CMTM7: variants seen among roughly 807,000 people sequenced by gnomAD.
CMTM7 encodes CKLF-like MARVEL transmembrane domain-containing protein 7.
CMTM7 carries 7 observed loss-of-function variants against 19.3 expected under a neutral mutation model. The ratio of observed to expected loss-of-function variants is 0.36; its 90% confidence interval spans 0.21 to 0.68. The LOEUF is 0.68. Ranked by LOEUF, CMTM7 falls within the 30% of genes least tolerant of loss-of-function variation. CMTM7 has a pLI of 0.60. For missense variants in CMTM7, 193 were observed against 232.6 expected, an observed-to-expected ratio of 0.83 and a Z score of 1.11; for synonymous variants, 87 against 99.3, an observed-to-expected ratio of 0.88 and a Z score of 0.74.
At chr3:32,396,880 C>A (rs1695926441) in intron 1 of CMTM7, among the ~76,000 whole-genome samples, 1 of 152,244 alleles carries the variant, frequency 6.6e-6, no homozygotes, top group African/African-American at 2.4e-5. Context: ...ATTAAGGAGA[C>A]CCCAGGATGG....
intron 1 of CMTM7, among the ~76,000 whole-genome samples, chr3:32,422,497 G>T (rs1696359718): frequency 6.6e-6 from 1 of 152,252 alleles, no homozygotes; most frequent in Non-Finnish European, 1.5e-5. Context: ...TGGCAAAATG[G>T]CAACCAGTGC....
At chr3:32,408,997 C>T (rs1226661806) in intron 1 of CMTM7, among the ~76,000 whole-genome samples, 1 of 151,996 alleles carries the variant, frequency 6.6e-6, no homozygotes, top group East Asian at 1.9e-4. Flanking sequence ...GTTCTCTTGC[C>T]TCACCTCCTG....
intron 1 of CMTM7, among the ~76,000 whole-genome samples, chr3:32,438,249 G>A (rs778872857): frequency 3.9e-5 from 6 of 152,154 alleles, no homozygotes; most frequent in Non-Finnish European, 8.8e-5. Context: ...CCCCACTATT[G>A]TCTTGTTCTT....
intron 1 of CMTM7, among the ~76,000 whole-genome samples, chr3:32,423,995 A>G (rs532659873): frequency 6.6e-6 from 1 of 152,364 alleles, no homozygotes; most frequent in African/African-American, 2.4e-5. Context: ...TGCTTGTTCC[A>G]TAACGGATTA....
chr3:32,451,831 A>G, intron 3 of CMTM7: 1 of 336,290 alleles, frequency 3.0e-6, no homozygotes. Flanking sequence ...GACCCTGAGA[A>G]AGGGAAAGGG....
chr3:32,453,060 C>G (rs1022215596), intron 4 of CMTM7, among the ~76,000 whole-genome samples: 1 of 150,986 alleles, frequency 6.6e-6, no homozygotes, highest in Non-Finnish European at 1.5e-5. Flanking sequence ...CATGAACCAC[C>G]GCACCCAGCC....
At chr3:32,422,709 G>C (rs1253720044) in intron 1 of CMTM7, among the ~76,000 whole-genome samples, 1 of 152,192 alleles carries the variant, frequency 6.6e-6, no homozygotes, top group Non-Finnish European at 1.5e-5. Flanking sequence ...CTTATGGTGA[G>C]GTTACTCCTG....
At chr3:32,399,889 A>C (rs538330355) in intron 1 of CMTM7, among the ~76,000 whole-genome samples, 12 of 152,350 alleles carry the variant, frequency 7.9e-5, no homozygotes, top group African/African-American at 2.9e-4. Context: ...TATTCCTAAC[A>C]AAAGTAATAC....
chr3:32,440,070 T>TACAC lies in CMTM7; in HGVS notation c.160-1737_160-1734dup, dbSNP rs10526471. On this transcript the variant is annotated intron_variant, in intron 1 of 4. Transcript: ENST00000334983. ...CACCCATACACTAACACCACACGCA[T>TACAC]ACACACACACACACACACACACACA... 7.3e-3 allele frequency among the ~76,000 whole-genome samples: 1,095 copies of TACAC among 150,132 alleles called. 9 individuals carry two copies. The highest frequency in any genetic ancestry group is 0.025 in the African/African-American group (1,034 of 40,776).
chr3:32,431,726 C>T (rs1212694116), intron 1 of CMTM7, among the ~76,000 whole-genome samples: 2 of 152,156 alleles, frequency 1.3e-5, no homozygotes, highest in African/African-American at 2.4e-5. Context: ...AGGCCTGGCT[C>T]CTTAACCTGG....
chr3:32,424,000 G>A (rs544797487), intron 1 of CMTM7, among the ~76,000 whole-genome samples: 4 of 152,252 alleles, frequency 2.6e-5, no homozygotes, highest in South Asian at 2.1e-4. Context: ...GTTCCATAAC[G>A]GATTACTCAA....
chr3:32,451,070 G>A (rs1696822848), intron 3 of CMTM7: 1 of 152,184 alleles, frequency 6.6e-6, no homozygotes, highest in African/African-American at 2.4e-5. Context: ...GACCGGGATG[G>A]TATATAACGT....
intron 1 of CMTM7, among the ~76,000 whole-genome samples, chr3:32,416,455 A>G (rs1696267641): frequency 1.9e-5 from 2 of 103,134 alleles, no homozygotes; most frequent in African/African-American, 7.5e-5. Context: ...CAGTGGCGCA[A>G]TCTCGGCTCA....
chr3:32,454,448 C>T lies in CMTM7; in HGVS notation c.*194C>T, dbSNP rs1213560890. 2.8e-6 allele frequency: 2 copies of T among 724,982 alleles called. No homozygotes were observed. The highest frequency in any genetic ancestry group is 5.0e-6 in the Non-Finnish European group (2 of 401,914). 44.9% of individuals were successfully genotyped at this position (724,982 alleles called of 1,614,324 possible). A position where few individuals can be genotyped will look rare whatever the true frequency, so the allele number is the denominator to read the frequency against. ...CCTGAGCCAGCCGGAAACTCTTCCT[C>T]CAGCCTTCCGGGGAGAACATCCCTC... On this transcript the variant is annotated 3_prime_UTR_variant, in exon 5 of 5. Transcript: ENST00000334983.
At chr3:32,410,288 C>T (rs1696152515) in intron 1 of CMTM7, among the ~76,000 whole-genome samples, 1 of 152,232 alleles carries the variant, frequency 6.6e-6, no homozygotes, top group Non-Finnish European at 1.5e-5. Context: ...GGGGCAGCCA[C>T]CTTTCTGTTC....
chr3:32,403,292 G>A (rs77135945), intron 1 of CMTM7, among the ~76,000 whole-genome samples: 9,148 of 152,244 alleles, frequency 0.06, 326 homozygotes, highest in East Asian at 0.15. Context: ...TCTGCTCACT[G>A]CAGTCTTGAC....
chr3:32,419,849 C>T (rs753777739), intron 1 of CMTM7, among the ~76,000 whole-genome samples: 6 of 152,112 alleles, frequency 3.9e-5, no homozygotes, highest in Admixed American at 6.6e-5. Context: ...ACCCACTTTG[C>T]GTCCTTCCTT....
intron 1 of CMTM7, among the ~76,000 whole-genome samples, chr3:32,416,901 T>C (rs1696275456): frequency 6.6e-6 from 1 of 152,232 alleles, no homozygotes; most frequent in Admixed American, 6.5e-5. Flanking sequence ...GACCTCTGAA[T>C]TTCATCTCTT....
Position 32,449,693 on chromosome 3 carries a change from C to T in CMTM7, c.432+141C>T. 2 of 710,824 alleles carry T rather than the reference C, an allele frequency of 2.8e-6. No individual in the cohort carries two copies. The highest frequency in any genetic ancestry group is 5.0e-6 in the Non-Finnish European group (2 of 398,430). 44.0% of individuals were successfully genotyped at this position (710,824 alleles called of 1,614,324 possible). A position where few individuals can be genotyped will look rare whatever the true frequency, so the allele number is the denominator to read the frequency against. On this transcript the variant is annotated intron_variant, in intron 3 of 4. Transcript: ENST00000334983. The surrounding 1 kb of genome is among the most constrained non-coding windows in gnomAD (Gnocchi z 4.5). ...ACCTACCTTGATCCAGCCATCAGCTCTCTCCAAAGAGCCTTAAGCAGAGGC... is the reference window on the plus strand; with the variant it reads ...ACCTACCTTGATCCAGCCATCAGCTTTCTCCAAAGAGCCTTAAGCAGAGGC...
Sources: allele counts gnomAD v4.1 joint callset (sites outside exome capture counted in the v4.1 genomes callset), GRCh38; gene constraint gnomAD v4.1.1; non-coding constraint Gnocchi (gnomAD v3.1); transcripts MANE v1.5; gene names NCBI Gene and HGNC (gene_info 2026-07-23, HGNC 2026-07-21).